HDAC3: variants seen among roughly 807,000 people sequenced by gnomAD.
The protein encoded by HDAC3 is histone deacetylase 3.
Under a neutral mutation model 62.3 loss-of-function variants are expected in HDAC3, and 21 were observed. The ratio of observed to expected loss-of-function variants is 0.34; its 90% CI spans 0.24 to 0.49. HDAC3 has a LOEUF of 0.49. Ranked by LOEUF, HDAC3 falls within the 20% of genes least tolerant of loss-of-function variation. The pLI is 0.99. For missense variants in HDAC3, 270 were observed against 556.9 expected (o/e 0.48, Z 5.19); for synonymous variants, 198 against 206.5 (o/e 0.96, Z 0.35).
At chr5:141,635,033 C>T in intron 2 of HDAC3, 80 bp from the exon 3 acceptor site, 2 of 1,447,190 alleles carry the variant, frequency 1.4e-6, no homozygotes, top group Non-Finnish European at 9.5e-7. Flanking sequence ...TGAACCCAGT[C>T]CTGGAGACTA....
At chr5:141,633,966 G>T (rs2099905610) in intron 3 of HDAC3, among the ~76,000 whole-genome samples, 1 of 151,902 alleles carries the variant, frequency 6.6e-6, no homozygotes, top group Admixed American at 6.6e-5. Flanking sequence ...AAAAACAAAA[G>T]TAAGTAGAAT....
At position 141,634,722 on chromosome 5, in the gene HDAC3, C is replaced by T. The variant is rs191146385; in HGVS notation, c.281+89G>A. 1.5e-3 allele frequency: 1,913 copies of T among 1,265,510 alleles called. 4 individuals carry two copies. The highest frequency in any genetic ancestry group is 2.3e-3 in the Middle Eastern group (12 of 5,120). The allele number at this position is 1,265,510 out of a possible 1,614,324, so 78.4% of individuals were successfully genotyped here. A position where few individuals can be genotyped will look rare whatever the true frequency, so the allele number is the denominator to read the frequency against. On this transcript the variant is annotated intron_variant, in intron 3 of 14. Coordinates refer to ENST00000305264, the MANE Select transcript of HDAC3 (RefSeq NM_003883.4). ...TATGATGCATTGACAAGTAGGCCCC[C>T]CTTGAGATCTTCCCACTGCTGCCAA...
Position 141,628,277 on chromosome 5 carries a change from G to T in HDAC3, c.692-90C>A. On this transcript the variant is annotated intron_variant, in intron 8 of 14. Coordinates refer to ENST00000305264, the MANE Select transcript of HDAC3 (RefSeq NM_003883.4). This position sits in a 1 kb window ranked among gnomAD's most constrained non-coding sequence, Gnocchi z 4.7. ...AAAAAGGGGGTTGAGCGAGCATGTA[G>T]CCCAGGAAAGGGGCCACCCAAAAGA... The T allele has an allele frequency of 8.9e-7, 1 of 1,120,660 alleles. No homozygotes were observed. 69.4% of individuals were successfully genotyped at this position (1,120,660 alleles called of 1,614,324 possible).
intron 2 of HDAC3, 43 bp from the exon 3 acceptor site, chr5:141,634,996 C>T (rs1273741274): frequency 6.2e-6 from 10 of 1,605,472 alleles, no homozygotes; most frequent in Non-Finnish European, 8.5e-6. Flanking sequence ...GGGTCAGCCC[C>T]ACTCCACAGG....
intron 14 of HDAC3, among the ~76,000 whole-genome samples, chr5:141,624,004 T>G (rs1010233641): frequency 6.7e-6 from 1 of 149,274 alleles, no homozygotes; most frequent in African/African-American, 2.5e-5. Flanking sequence ...ATTCATTCCA[T>G]CTACAAATAT....
chr5:141,629,201 T>C lies in HDAC3; in HGVS notation c.582A>G (p.Lys194=). 1.2e-6 allele frequency: 2 copies of C among 1,614,124 alleles called. No individual in the cohort carries two copies. Among genetic ancestry groups the C allele is most frequent in the Non-Finnish European group, 8.5e-7 (1 of 1,180,014 alleles). ...TDRVMTVSFH[K]YGNYFFPGTG... Reference sequence around the variant, plus strand: ...TGCCAGGGAAGAAGTAATTTCCGTATTTGTGGAAGGACACCGTCATGACCC... The same window carrying C: ...TGCCAGGGAAGAAGTAATTTCCGTACTTGTGGAAGGACACCGTCATGACCC... The change falls in exon 7 of 15, where the codon AAA becomes AAG. Residue 194 remains lysine (K), a synonymous_variant. Transcript: ENST00000305264. This position sits in a 1 kb window ranked among gnomAD's most constrained non-coding sequence, Gnocchi z 5.3.
rs1472210565 is a variant in HDAC3 at position 141,625,853 on chromosome 5, T to A, written c.980-89A>T. 7.4e-7 allele frequency: 1 copy of A among 1,360,106 alleles called. No homozygotes were observed. The highest frequency in any genetic ancestry group is 1.1e-6 in the Non-Finnish European group (1 of 949,772). 84.3% of individuals were successfully genotyped at this position (1,360,106 alleles called of 1,614,324 possible). A position where few individuals can be genotyped will look rare whatever the true frequency, so the allele number is the denominator to read the frequency against. On this transcript the variant is annotated intron_variant, in intron 12 of 14. Transcript: ENST00000305264. This position sits in a 1 kb window ranked among gnomAD's most constrained non-coding sequence, Gnocchi z 4.0. ...CTTTTTCCTTCCCATCCAGAGCACCTACATAATAGCTGCCCAATCTCTTCC... is the reference window on the plus strand; with the variant it reads ...CTTTTTCCTTCCCATCCAGAGCACCAACATAATAGCTGCCCAATCTCTTCC...
intron 2 of HDAC3, chr5:141,635,815 C>G (rs1341885894): frequency 6.6e-6 from 1 of 152,218 alleles, no homozygotes; most frequent in Non-Finnish European, 1.5e-5. Flanking sequence ...CACTGTGGCC[C>G]AAGCTGGTCT....
chr5:141,634,872 T>A lies in HDAC3; in HGVS notation c.220A>T (p.Ser74Cys). 1 of 1,614,126 alleles carries A rather than the reference T, an allele frequency of 6.2e-7. No individual in the cohort carries two copies. Among genetic ancestry groups the A allele is most frequent in the Non-Finnish European group, 8.5e-7 (1 of 1,179,998 alleles). ...GTGAAGCCTTGCATATTGGTGGGGCTGACTCTCTGCAGGAAGTCAATGTAG... is the reference window on the plus strand; with the variant it reads ...GTGAAGCCTTGCATATTGGTGGGGCAGACTCTCTGCAGGAAGTCAATGTAG... Reference protein sequence around the residue: ...EDYIDFLQRVSPTNMQGFTKS... With the variant: ...EDYIDFLQRVCPTNMQGFTKS... Residue 74 changes from serine (S) to cysteine (C), a missense_variant, in exon 3 of 15, where the codon AGC (serine) becomes TGC (cysteine). This residue lies in a region of HDAC3 where 32 missense variants were observed against 37.4 expected (regional missense o/e 0.86). Coordinates refer to ENST00000305264, the MANE Select transcript of HDAC3 (RefSeq NM_003883.4).
chr5:141,625,349 C>A lies in HDAC3; in HGVS notation c.1076G>T (p.Arg359Leu), dbSNP rs867384693. 1.2e-6 allele frequency: 2 copies of A among 1,614,046 alleles called. No individual in the cohort carries two copies. Among genetic ancestry groups the A allele is most frequent in the Non-Finnish European group, 1.7e-6 (2 of 1,179,982 alleles). ...CTTCAGGTTTTCAAAGATTGTCTGGCGGATCTGGTCCAGATACTGGTTGGA... is the reference window on the plus strand; with the variant it reads ...CTTCAGGTTTTCAAAGATTGTCTGGAGGATCTGGTCCAGATACTGGTTGGA... The part of the protein sequence containing the change: ...QNSRQYLDQI[R>L]QTIFENLKML... The change falls in exon 14 of 15, where the codon CGC becomes CTC. Residue 359 changes from arginine (R) to leucine (L), a missense_variant. By Grantham distance (102) the Arg-to-Leu change is moderately radical. This residue lies in a region of HDAC3 where 156 missense variants were observed against 383.9 expected (regional missense o/e 0.41). Coordinates refer to ENST00000305264, the MANE Select transcript of HDAC3 (RefSeq NM_003883.4). The surrounding 1 kb of genome is among the most constrained non-coding windows in gnomAD (Gnocchi z 4.0).
chr5:141,621,022 C>G lies in HDAC3; in HGVS notation c.*446G>C, dbSNP rs1202720343. 5.0e-6 allele frequency: 1 copy of G among 198,724 alleles called. No homozygotes were observed. Among genetic ancestry groups the G allele is most frequent in the Non-Finnish European group, 1.0e-5 (1 of 98,056 alleles). 12.3% of individuals were successfully genotyped at this position (198,724 alleles called of 1,614,324 possible). On this transcript the variant is annotated 3_prime_UTR_variant, in exon 15 of 15. Coordinates refer to ENST00000305264, the MANE Select transcript of HDAC3 (RefSeq NM_003883.4). Reference sequence around the variant, plus strand: ...CATCTGGGATTCAGGTGTTAGGGAGCCAGAGCCCCTTCCAAATCTCTCTCT... The same window carrying G: ...CATCTGGGATTCAGGTGTTAGGGAGGCAGAGCCCCTTCCAAATCTCTCTCT...
chr5:141,623,679 G>A (rs559969496), intron 14 of HDAC3, among the ~76,000 whole-genome samples: 2 of 152,276 alleles, frequency 1.3e-5, no homozygotes, highest in Admixed American at 1.3e-4. Context: ...ATCCCCAAGA[G>A]TCAGAGCAGT....
chr5:141,622,370 C>T (rs189808566), intron 14 of HDAC3, among the ~76,000 whole-genome samples: 8 of 152,226 alleles, frequency 5.3e-5, no homozygotes, highest in Non-Finnish European at 1.0e-4. Context: ...CTTTGGGAGG[C>T]CAAGGCAGGT....
intron 1 of HDAC3, 46 bp from the exon 2 acceptor site, chr5:141,636,676 T>A: frequency 6.2e-7 from 1 of 1,613,008 alleles, no homozygotes; most frequent in South Asian, 1.1e-5. Flanking sequence ...CCCCTGGAGT[T>A]GCAACCCCGC....
chr5:141,624,137 C>T (rs1481127230), intron 14 of HDAC3, among the ~76,000 whole-genome samples: 1 of 150,526 alleles, frequency 6.6e-6, no homozygotes. Context: ...GAGAGTATTA[C>T]GCAGGCAGTG....
chr5:141,633,713 C>G (rs561009833), intron 3 of HDAC3, among the ~76,000 whole-genome samples: 1 of 151,410 alleles, frequency 6.6e-6, no homozygotes, highest in African/African-American at 2.4e-5. Flanking sequence ...GTAATCCCAG[C>G]TACTCGGGAG....
At chr5:141,630,151 AC>A (rs1240944673) in intron 3 of HDAC3, 26 bp from the exon 4 acceptor site, 2 of 1,607,592 alleles carry the variant, frequency 1.2e-6, no homozygotes, top group African/African-American at 2.7e-5. Flanking sequence ...ACAAGTTGGA[AC>A]CCTCCTGCCT....
chr5:141,628,691 G>A lies in HDAC3; in HGVS notation c.611-52C>T, dbSNP rs751511661. 2 of 1,395,644 alleles carry A rather than the reference G, an allele frequency of 1.4e-6. No homozygotes were observed. Among genetic ancestry groups the A allele is most frequent in the Non-Finnish European group, 2.0e-6 (2 of 985,508 alleles). The allele number at this position is 1,395,644 out of a possible 1,614,324, so 86.5% of individuals were successfully genotyped here. A position where few individuals can be genotyped will look rare whatever the true frequency, so the allele number is the denominator to read the frequency against. ...ACACATGGGAAGCACCCACAACCCA[G>A]CTGTTTCAGCCCCAATCTGCACTCT... is the stretch of plus-strand genomic sequence containing the variant. On this transcript the variant is annotated intron_variant, in intron 7 of 14. Coordinates refer to ENST00000305264, the MANE Select transcript of HDAC3 (RefSeq NM_003883.4). This position sits in a 1 kb window ranked among gnomAD's most constrained non-coding sequence, Gnocchi z 4.7.
At position 141,621,330 on chromosome 5, in the gene HDAC3, A is replaced by T. The variant is rs2099903672; in HGVS notation, c.*138T>A. On this transcript the variant is annotated 3_prime_UTR_variant, in exon 15 of 15. Transcript: ENST00000305264. ...AGCAGGTAGATGGTTCGAGAACCAAATGTGGTCTCCAGACTCTTTCCCAGA... is the reference window on the plus strand; with the variant it reads ...AGCAGGTAGATGGTTCGAGAACCAATTGTGGTCTCCAGACTCTTTCCCAGA... The T allele has an allele frequency of 2.7e-6, 2 of 735,272 alleles. No individual in the cohort carries two copies. The highest frequency in any genetic ancestry group is 4.8e-6 in the Non-Finnish European group (2 of 419,814). 45.5% of individuals were successfully genotyped at this position (735,272 alleles called of 1,614,324 possible). A position where few individuals can be genotyped will look rare whatever the true frequency, so the allele number is the denominator to read the frequency against.
Sources: allele counts gnomAD v4.1 joint callset (sites outside exome capture counted in the v4.1 genomes callset), GRCh38; gene constraint gnomAD v4.1.1; regional missense constraint gnomAD v4.1.1; non-coding constraint Gnocchi (gnomAD v3.1); transcripts MANE v1.5; gene names NCBI Gene and HGNC (gene_info 2026-07-23, HGNC 2026-07-21).